Variants in CNTNAP5 observed in about 807,000 individuals in gnomAD.
The protein encoded by CNTNAP5 is contactin associated protein family member 5.
CNTNAP5 carries 72 observed loss-of-function variants against 150.2 expected under a neutral mutation model. That is an observed-to-expected ratio of 0.48 (90% confidence interval 0.40 to 0.58). The LOEUF is 0.58. CNTNAP5 is among the 20% of genes least tolerant of loss of function. CNTNAP5 has a pLI of 0.00. For missense variants in CNTNAP5, 1,636 were observed against 1,626.2 expected (o/e 1.01, Z -0.10); for synonymous variants, 672 against 619.8 (o/e 1.08, Z -1.25).
chr2:124,772,160 A>T (rs1681214801), intron 16 of CNTNAP5, among the ~76,000 whole-genome samples: 1 of 152,060 alleles, frequency 6.6e-6, no homozygotes, highest in African/African-American at 2.4e-5. Context: ...CACCATCATC[A>T]GTATGCTTAC....
chr2:124,117,409 A>T (rs1453677681), intron 1 of CNTNAP5, among the ~76,000 whole-genome samples: 1 of 152,214 alleles, frequency 6.6e-6, no homozygotes, highest in Non-Finnish European at 1.5e-5. Flanking sequence ...TACCTAGAGC[A>T]GTACAAGGCA....
intron 13 of CNTNAP5, among the ~76,000 whole-genome samples, chr2:124,694,597 G>C (rs980141753): frequency 6.6e-6 from 1 of 152,064 alleles, no homozygotes; most frequent in Non-Finnish European, 1.5e-5. Flanking sequence ...GTGTTTTAAT[G>C]GTAATGTTTA....
chr2:124,760,932 G>A (rs1234617477), intron 14 of CNTNAP5, among the ~76,000 whole-genome samples: 1 of 152,086 alleles, frequency 6.6e-6, no homozygotes, highest in East Asian at 1.9e-4. Context: ...GATCCCCAGA[G>A]TGACCTCACT....
At chr2:124,816,236 C>T (rs1682358001) in intron 19 of CNTNAP5, among the ~76,000 whole-genome samples, 1 of 152,160 alleles carries the variant, frequency 6.6e-6, no homozygotes, top group Admixed American at 6.5e-5. Context: ...CACCATTTGT[C>T]TGTGTGCTCT....
intron 4 of CNTNAP5, among the ~76,000 whole-genome samples, chr2:124,426,147 A>AT (rs11324172): frequency 5.9e-5 from 9 of 151,284 alleles, no homozygotes; most frequent in Non-Finnish European, 8.8e-5. Context: ...CAGAGTTTTG[A>AT]TTTTTTTTTG....
At chr2:124,148,679 G>T (rs1684321845) in intron 1 of CNTNAP5, among the ~76,000 whole-genome samples, 1 of 149,938 alleles carries the variant, frequency 6.7e-6, no homozygotes, top group Non-Finnish European at 1.5e-5. Context: ...TATTATATGA[G>T]ATATATATAT....
intron 19 of CNTNAP5, among the ~76,000 whole-genome samples, chr2:124,810,388 T>C: frequency 6.6e-6 from 1 of 152,160 alleles, no homozygotes; most frequent in East Asian, 1.9e-4. Context: ...GCTGGTTTTT[T>C]AATAGCGCTG....
At position 124,218,888 on chromosome 2, in the gene CNTNAP5, A is replaced by G. The variant is rs187451524; in HGVS notation, c.83-2817A>G. Among the ~76,000 whole-genome samples the G allele has an allele frequency of 3.2e-3, 484 of 152,260 alleles. 6 individuals are homozygous for G. Among genetic ancestry groups the G allele is most frequent in the Non-Finnish European group, 4.2e-3 (286 of 68,004 alleles). The stretch of plus-strand genomic sequence containing the variant: ...CTCATCAGTTTATTTATTTGTTTAC[A>G]TCTCTATATTTCTCAATGGCCTCGG... On this transcript the variant is annotated intron_variant, in intron 1 of 23. Coordinates refer to ENST00000682447, the MANE Select transcript of CNTNAP5 (RefSeq NM_001367498.1).
At chr2:124,617,818 T>G (rs543718939) in intron 12 of CNTNAP5, among the ~76,000 whole-genome samples, 9 of 152,200 alleles carry the variant, frequency 5.9e-5, no homozygotes, top group African/African-American at 2.2e-4. Context: ...GCATAGTGCT[T>G]GTTGGGAGCT....
intron 21 of CNTNAP5, among the ~76,000 whole-genome samples, chr2:124,877,853 A>T (rs935253475): frequency 6.6e-6 from 1 of 152,138 alleles, no homozygotes; most frequent in African/African-American, 2.4e-5. Context: ...AGTTACTGTT[A>T]GTATTATTAT....
At chr2:124,450,516 C>T (rs556007607) in intron 6 of CNTNAP5, among the ~76,000 whole-genome samples, 1 of 144,996 alleles carries the variant, frequency 6.9e-6, no homozygotes, top group African/African-American at 2.6e-5. Context: ...TCCCTTCCTG[C>T]CCAGAAGGCA....
At chr2:124,836,145 T>G (rs2104686949) in intron 19 of CNTNAP5, among the ~76,000 whole-genome samples, 1 of 152,218 alleles carries the variant, frequency 6.6e-6, no homozygotes, top group Non-Finnish European at 1.5e-5. Flanking sequence ...AAAGATAGGA[T>G]TTCCGAGGGG....
At chr2:124,636,900 T>TCTCTTTTTCTCCTCTCCTTTG (rs753550040) in intron 12 of CNTNAP5, among the ~76,000 whole-genome samples, 1 of 151,720 alleles carries the variant, frequency 6.6e-6, no homozygotes, top group African/African-American at 2.4e-5. Context: ...CCTCATCTCT[T>TCTCTTTTTCTCCTCTCCTTTG]TCTCTTTTTC....
At chr2:124,671,491 A>T (rs1045915879) in intron 13 of CNTNAP5, among the ~76,000 whole-genome samples, 1 of 152,200 alleles carries the variant, frequency 6.6e-6, no homozygotes, top group African/African-American at 2.4e-5. Context: ...AAATGTAATA[A>T]TGTAATACTC....
intron 6 of CNTNAP5, among the ~76,000 whole-genome samples, chr2:124,453,514 A>T (rs1201134792): frequency 1.3e-5 from 2 of 152,190 alleles, no homozygotes; most frequent in Non-Finnish European, 2.9e-5. Flanking sequence ...AGATATCCAA[A>T]TACAAGAAGC....
At chr2:124,152,946 G>A (rs1033573953) in intron 1 of CNTNAP5, among the ~76,000 whole-genome samples, 1 of 152,120 alleles carries the variant, frequency 6.6e-6, no homozygotes, top group African/African-American at 2.4e-5. Context: ...TACTGGTGCG[G>A]CTCCATACAG....
chr2:124,226,636 T>C (rs1245839953), intron 2 of CNTNAP5, among the ~76,000 whole-genome samples: 1 of 152,174 alleles, frequency 6.6e-6, no homozygotes, highest in Non-Finnish European at 1.5e-5. Context: ...TTTTTGTCTT[T>C]GTTGTCTGTG....
At chr2:124,361,938 C>T (rs1690214447) in intron 3 of CNTNAP5, among the ~76,000 whole-genome samples, 1 of 152,214 alleles carries the variant, frequency 6.6e-6, no homozygotes, top group African/African-American at 2.4e-5. Flanking sequence ...TGATCTCAGA[C>T]TGCTGTGCTA....
intron 3 of CNTNAP5, among the ~76,000 whole-genome samples, chr2:124,335,308 A>G (rs1689444545): frequency 6.6e-6 from 1 of 151,984 alleles, no homozygotes. Flanking sequence ...TTGTACATTC[A>G]GACAAAGAGA....
Sources: allele counts gnomAD v4.1 joint callset (sites outside exome capture counted in the v4.1 genomes callset), GRCh38; gene constraint gnomAD v4.1.1; transcripts MANE v1.5; gene names NCBI Gene and HGNC (gene_info 2026-07-23, HGNC 2026-07-21).